The following SNRPD2 variants were observed in gnomAD, a reference collection of about 807,000 sequenced individuals.
SNRPD2 encodes small nuclear ribonucleoprotein Sm D2.
Under a neutral mutation model 11.5 loss-of-function variants are expected in SNRPD2, and 1 was observed. The observed-to-expected ratio is 0.09, with a 90% CI of 0.03 to 0.41. SNRPD2 has a LOEUF of 0.41. SNRPD2 is among the 10% of genes least tolerant of loss of function. SNRPD2 has a pLI of 0.98. For missense variants in SNRPD2, 77 were observed against 154.9 expected (o/e 0.50, Z 2.67); for synonymous variants, 63 against 61.5 (o/e 1.02, Z -0.12).
chr19:45,691,980 C>A, upstream of SNRPD2: 1 of 1,612,780 alleles, frequency 6.2e-7, no homozygotes, highest in African/African-American at 1.3e-5. Flanking sequence ...CTGCGACCCA[C>A]TTCCGTTGGC....
At chr19:45,690,340 A>AG (rs1252242387) in intron 1 of SNRPD2, among the ~76,000 whole-genome samples, 1 of 151,300 alleles carries the variant, frequency 6.6e-6, no homozygotes, top group Non-Finnish European at 1.5e-5. Context: ...AAAAAAAAAA[A>AG]AAAAAAAAAA....
Position 45,688,554 on chromosome 19 carries a change from G to C in SNRPD2, c.15C>G (p.Asn5Lys). ...CTGGGGTCATCTCACTCTTGGGCTT[G>C]TTGAGGAGGCTCCTGCATGGACAAA... The part of the protein sequence containing the change: MSLL[N>K]KPKSEMTPEE... Residue 5 changes from asparagine to lysine, a missense_variant, in exon 2 of 3, where the codon AAC becomes AAG. Asn to Lys is a moderately conservative substitution (Grantham distance 94, BLOSUM62 0). Coordinates refer to ENST00000342669, the MANE Select transcript of SNRPD2 (RefSeq NM_001384647.1). This position sits in a 1 kb window ranked among gnomAD's most constrained non-coding sequence, Gnocchi z 4.1. 1 of 1,613,942 alleles carries C rather than the reference G, an allele frequency of 6.2e-7. No homozygotes were observed. Among genetic ancestry groups the C allele is most frequent in the South Asian group, 1.1e-5 (1 of 91,070 alleles).
intron 1 of SNRPD2, among the ~76,000 whole-genome samples, chr19:45,689,807 G>A (rs1967492027): frequency 6.6e-6 from 1 of 151,946 alleles, no homozygotes; most frequent in Admixed American, 6.6e-5. Context: ...GCCGACGCGA[G>A]GTGGATCGCC....
Position 45,688,111 on chromosome 19 carries a change from T to C in SNRPD2, c.182+276A>G, listed in dbSNP as rs2146114322. Among the ~76,000 whole-genome samples the C allele has an allele frequency of 6.6e-6, 1 of 152,326 alleles. No individual in the cohort carries two copies. Among genetic ancestry groups the C allele is most frequent in the Middle Eastern group, 3.4e-3 (1 of 294 alleles). ...AGGCTATTCTTGTGCCTCGGCCACC[T>C]GAGTAGCTGTGAATACAGGCGTGCA... On this transcript the variant is annotated intron_variant, in intron 2 of 2. Coordinates refer to ENST00000342669, the MANE Select transcript of SNRPD2 (RefSeq NM_001384647.1). The surrounding 1 kb of genome is among the most constrained non-coding windows in gnomAD (Gnocchi z 4.1).
chr19:45,688,355 G>A lies in SNRPD2; in HGVS notation c.182+32C>T. On this transcript the variant is annotated intron_variant, in intron 2 of 2. Transcript: ENST00000342669. The surrounding 1 kb of genome is among the most constrained non-coding windows in gnomAD (Gnocchi z 4.1). ...GAGCTGGAGTGGCCTCTCCAGGCCT[G>A]CGGAGAACACCTCCCAGGACCCAGC... The A allele has an allele frequency of 7.5e-6, 12 of 1,605,158 alleles. No homozygotes were observed. The highest frequency in any genetic ancestry group is 9.4e-6 in the Non-Finnish European group (11 of 1,172,306).
In SNRPD2 at chr19:45,687,490, A is replaced by T; in HGVS notation, c.*63T>A. On this transcript the variant is annotated 3_prime_UTR_variant, in exon 3 of 3. Coordinates refer to ENST00000342669, the MANE Select transcript of SNRPD2 (RefSeq NM_001384647.1). The surrounding 1 kb of genome is among the most constrained non-coding windows in gnomAD (Gnocchi z 4.1). ...AAAAACACAGAGCTTTATTATTCTC[A>T]ACACCAATGGCAGCGGTCTTCATAG... The T allele has an allele frequency of 6.9e-7, 1 of 1,455,278 alleles. No individual in the cohort carries two copies. The highest frequency in any genetic ancestry group is 9.6e-7 in the Non-Finnish European group (1 of 1,043,910). The allele number at this position is 1,455,278 out of a possible 1,614,324, so 90.1% of individuals were successfully genotyped here. A position where few individuals can be genotyped will look rare whatever the true frequency, so the allele number is the denominator to read the frequency against.
chr19:45,691,753 G>T, intron 1 of SNRPD2, 134 bp downstream of exon 1: 2 of 1,131,604 alleles, frequency 1.8e-6, no homozygotes, highest in South Asian at 2.5e-5. Context: ...AACTCATCAG[G>T]AGAAAAGCAG....
chr19:45,691,820 C>T (rs1967565681), intron 1 of SNRPD2, 67 bp downstream of exon 1: 1 of 1,601,360 alleles, frequency 6.2e-7, no homozygotes, highest in Non-Finnish European at 8.6e-7. Flanking sequence ...CAACCCTTCC[C>T]ACACTCAATC....
rs972073403 is a variant in SNRPD2 at position 45,688,555 on chromosome 19, T to C, written c.14A>G (p.Asn5Ser). 1 of 1,613,908 alleles carries C rather than the reference T, an allele frequency of 6.2e-7. No individual in the cohort carries two copies. Among genetic ancestry groups the C allele is most frequent in the African/African-American group, 1.3e-5 (1 of 75,034 alleles). ...TGGGGTCATCTCACTCTTGGGCTTG[T>C]TGAGGAGGCTCCTGCATGGACAAAC... is the stretch of plus-strand genomic sequence containing the variant. MSLLNKPKSEMTPEE... is the reference protein window; with the variant it reads MSLLSKPKSEMTPEE... The change falls in exon 2 of 3, where the codon AAC (asparagine) becomes AGC (serine). Residue 5 changes from asparagine (N) to serine (S), a missense_variant. Transcript: ENST00000342669. The surrounding 1 kb of genome is among the most constrained non-coding windows in gnomAD (Gnocchi z 4.1).
At chr19:45,690,054 G>A (rs1478466043) in intron 1 of SNRPD2, among the ~76,000 whole-genome samples, 22 of 142,910 alleles carry the variant, frequency 1.5e-4, no homozygotes, top group African/African-American at 5.0e-4. Context: ...AAATTAGGCC[G>A]GGCGCGGTGG....
At chr19:45,692,166 C>A (rs925365927), upstream of SNRPD2, 3 of 628,496 alleles carry the variant, frequency 4.8e-6, no homozygotes, top group Non-Finnish European at 7.8e-6. Flanking sequence ...TGATTCAAAC[C>A]GTTTCTTGAA....
At position 45,691,902 on chromosome 19, in the gene SNRPD2, C is replaced by T. The variant is rs368301312; in HGVS notation, c.-14G>A. On this transcript the variant is annotated 5_prime_UTR_variant, in exon 1 of 3. Transcript: ENST00000342669. ...CCGGCCTCACATGATGGTCACTACG[C>T]TCTCCGTTCACTCCCGTTTCCTCCG... 162 of 1,614,192 alleles carry T rather than the reference C, an allele frequency of 1.0e-4. No individual in the cohort carries two copies. The African/African-American group carries it at 2.0e-3, about 20-fold the overall frequency.
chr19:45,692,314 G>T (rs534023284), upstream of SNRPD2: 79 of 363,490 alleles, frequency 2.2e-4, no homozygotes, highest in South Asian at 2.5e-3. Context: ...CCTCTGGGAC[G>T]CGTTACTGAC....
At chr19:45,692,269 G>A, upstream of SNRPD2, 2 of 368,304 alleles carry the variant, frequency 5.4e-6, no homozygotes, top group Admixed American at 3.9e-5. Context: ...AAGCCAATCC[G>A]CTCCTCGCTT....
rs111697751 is a variant in SNRPD2 at position 45,687,980 on chromosome 19, A to G, written c.183-253T>C. Among the ~76,000 whole-genome samples the G allele has an allele frequency of 7.9e-5, 12 of 152,302 alleles. No individual in the cohort carries two copies. The highest frequency in any genetic ancestry group is 2.6e-4 in the African/African-American group (11 of 41,570). ...ATCACGTTACCTTCCTCACAGGGCC[A>G]TTGAAAATTATCATTTTCTTTTTTG... On this transcript the variant is annotated intron_variant, in intron 2 of 2. Coordinates refer to ENST00000342669, the MANE Select transcript of SNRPD2 (RefSeq NM_001384647.1). This position sits in a 1 kb window ranked among gnomAD's most constrained non-coding sequence, Gnocchi z 4.1.
chr19:45,687,683 T>G lies in SNRPD2; in HGVS notation c.227A>C (p.Glu76Ala). The change falls in exon 3 of 3, where the codon GAG (glutamate) becomes GCG (alanine). Residue 76 changes from glutamate (E) to alanine (A), a missense_variant. Transcript: ENST00000342669. This position sits in a 1 kb window ranked among gnomAD's most constrained non-coding sequence, Gnocchi z 4.1. Reference protein sequence around the residue: ...VLENVKEMWTEVPKSGKGKKK... With the variant: ...VLENVKEMWTAVPKSGKGKKK... ...CTTGCCCTTGCCACTCTTGGGTACC[T>G]CAGTCCACATCTCCTTCACGTTCTC... 1 of 1,614,058 alleles carries G rather than the reference T, an allele frequency of 6.2e-7. No individual in the cohort carries two copies. The highest frequency in any genetic ancestry group is 8.5e-7 in the Non-Finnish European group (1 of 1,179,930).
rs778118151 is a variant in SNRPD2 at position 45,687,800 on chromosome 19, G to A, written c.183-73C>T. ...CTGACAGTGCCCCCTACTGCCTGCT[G>A]CTCGCCCCCTCCAGCAGCATGGCTT... is the stretch of plus-strand genomic sequence containing the variant. On this transcript the variant is annotated intron_variant, in intron 2 of 2. Transcript: ENST00000342669. The surrounding 1 kb of genome is among the most constrained non-coding windows in gnomAD (Gnocchi z 4.1). 1 of 1,243,856 alleles carries A rather than the reference G, an allele frequency of 8.0e-7. No individual in the cohort carries two copies. The highest frequency in any genetic ancestry group is 1.2e-6 in the Non-Finnish European group (1 of 860,514). The allele number at this position is 1,243,856 out of a possible 1,614,324, so 77.1% of individuals were successfully genotyped here.
rs1308582162 is a variant in SNRPD2 at position 45,688,316 on chromosome 19, A to G, written c.182+71T>C. 2 of 1,342,016 alleles carry G rather than the reference A, an allele frequency of 1.5e-6. No individual in the cohort carries two copies. Among genetic ancestry groups the G allele is most frequent in the East Asian group, 4.6e-5 (2 of 43,342 alleles). 83.1% of individuals were successfully genotyped at this position (1,342,016 alleles called of 1,614,324 possible). A position where few individuals can be genotyped will look rare whatever the true frequency, so the allele number is the denominator to read the frequency against. On this transcript the variant is annotated intron_variant, in intron 2 of 2. Transcript: ENST00000342669. This position sits in a 1 kb window ranked among gnomAD's most constrained non-coding sequence, Gnocchi z 4.1. ...CAGGCTTCTGAGACAGCTGTCTTTG[A>G]GCTCTTCAGACTGGAGCTGGAGTGG... is the stretch of plus-strand genomic sequence containing the variant.
chr19:45,689,240 T>C (rs748986349), intron 1 of SNRPD2: 37 of 520,172 alleles, frequency 7.1e-5, no homozygotes, highest in Admixed American at 7.0e-4. Context: ...TACCATGGCC[T>C]AAGCCTCTGT....
Sources: gnomAD v4.1 joint callset for allele counts (sites outside exome capture counted in the v4.1 genomes callset) on GRCh38, gnomAD v4.1.1 for gene constraint, Gnocchi (gnomAD v3.1) non-coding constraint, MANE v1.5 for transcripts, NCBI Gene and HGNC (gene_info 2026-07-23, HGNC 2026-07-21) for gene names.